Variants in SEC14L5 observed in about 807,000 individuals in gnomAD.
SEC14L5 encodes the protein SEC14 like lipid binding 5.
A neutral mutation model predicts 84.6 loss-of-function variants in SEC14L5; 96 were observed. The ratio of observed to expected loss-of-function variants is 1.13; its 90% confidence interval spans 0.96 to 1.34. The LOEUF is 1.34. SEC14L5 is among the 40% of genes most tolerant of loss of function. The pLI, the probability that SEC14L5 is intolerant of heterozygous loss-of-function variation, is 0.00. For missense variants in SEC14L5, 1,224 were observed against 942.5 expected, an observed-to-expected ratio of 1.30 and a Z score of -3.91; for synonymous variants, 546 against 383.4, an observed-to-expected ratio of 1.42 and a Z score of -4.95.
intron 2 of SEC14L5, among the ~76,000 whole-genome samples, chr16:4,962,705 A>AAAC (rs1274577953): frequency 6.6e-6 from 1 of 150,916 alleles, no homozygotes; most frequent in African/African-American, 2.5e-5. Context: ...AAAAAAAAAA[A>AAAC]AAACTTCCTT....
chr16:4,959,285 C>A lies in SEC14L5; in HGVS notation c.-39C>A, dbSNP rs748315540. On this transcript the variant is annotated 5_prime_UTR_variant, in exon 2 of 16. Coordinates refer to ENST00000251170, the MANE Select transcript of SEC14L5 (RefSeq NM_014692.2). ...CTCCTCGCCCCAGGCTCTGTGCACA[C>A]CCCTGCCTGGTGACCTCCATTGGTG... is the stretch of plus-strand genomic sequence containing the variant. 1.1e-5 allele frequency: 17 copies of A among 1,551,922 alleles called. No individual in the cohort carries two copies. The highest frequency in any genetic ancestry group is 1.4e-5 in the African/African-American group (1 of 73,676).
chr16:4,980,167 G>A (rs1384071051), intron 2 of SEC14L5, among the ~76,000 whole-genome samples: 1 of 152,214 alleles, frequency 6.6e-6, no homozygotes, highest in Admixed American at 6.5e-5. Context: ...GCATTGTAAG[G>A]ATGAAGCGAG....
At position 5,011,255 on chromosome 16, in the gene SEC14L5, T is replaced by C; in HGVS notation, c.1961T>C (p.Leu654Pro). 1 of 1,613,716 alleles carries C rather than the reference T, an allele frequency of 6.2e-7. No individual in the cohort carries two copies. Among genetic ancestry groups the C allele is most frequent in the Non-Finnish European group, 8.5e-7 (1 of 1,179,788 alleles). The change falls in exon 15 of 16, where the codon CTC becomes CCC. Residue 654 changes from leucine (L) to proline (P), a missense_variant. Coordinates refer to ENST00000251170, the MANE Select transcript of SEC14L5 (RefSeq NM_014692.2). The stretch of plus-strand genomic sequence containing the variant: ...AAACTTCTCTACTACTGTGAGGTGC[T>C]CGCCTCTGAGGACTTCAGGTAGGAG... Reference protein sequence around the residue: ...KCKLLYYCEVLASEDFRGSMS... With the variant: ...KCKLLYYCEVPASEDFRGSMS...
chr16:4,984,483 T>A (rs59534424), intron 2 of SEC14L5, among the ~76,000 whole-genome samples: 14 of 152,148 alleles, frequency 9.2e-5, no homozygotes, highest in African/African-American at 3.1e-4. Flanking sequence ...TTACGAATAA[T>A]GTTGCTATAA....
rs1488227322 is a variant in SEC14L5, at chr16:4,969,823, T to C, written c.63+10437T>C. 8.0e-5 allele frequency among the ~76,000 whole-genome samples: 12 copies of C among 150,436 alleles called. 2 individuals carry two copies. The highest frequency in any genetic ancestry group is 1.0e-4 in the Non-Finnish European group (7 of 67,352). ...CTTGTCTGGTTCTTTTTCTTTCCTT[T>C]TTTTTTTTTTTTTGAGACTGGTCTC... On this transcript the variant is annotated intron_variant, in intron 2 of 15. Coordinates refer to ENST00000251170, the MANE Select transcript of SEC14L5 (RefSeq NM_014692.2).
At position 5,005,883 on chromosome 16, in the gene SEC14L5, C is replaced by G. The variant is rs543032017; in HGVS notation, c.1303-31C>G. On this transcript the variant is annotated intron_variant, in intron 11 of 15. Coordinates refer to ENST00000251170, the MANE Select transcript of SEC14L5 (RefSeq NM_014692.2). ...CGTCTCAAAAAAAAAAAAAAAAAAA[C>G]CATCCATCTTGCCTTATGTCCTGGT... 2.8e-4 allele frequency: 334 copies of G among 1,189,416 alleles called. No individual in the cohort carries two copies. The African/African-American group carries it at 5.7e-3, about 20-fold the overall frequency. The allele number at this position is 1,189,416 out of a possible 1,614,324, so 73.7% of individuals were successfully genotyped here.
rs936777058 is a variant in SEC14L5 at position 5,013,217 on chromosome 16, G to T, written c.1980-1642G>T. On this transcript the variant is annotated intron_variant, in intron 15 of 15. Coordinates refer to ENST00000251170, the MANE Select transcript of SEC14L5 (RefSeq NM_014692.2). ...TTTACTTGGGCCATAGAGCCAAACC[G>T]TATCAGCCACCCAGCCAGGAGGTGC... is the stretch of plus-strand genomic sequence containing the variant. Among the ~76,000 whole-genome samples the T allele has an allele frequency of 3.9e-5, 6 of 152,144 alleles. No individual in the cohort carries two copies. The East Asian group carries it at 9.6e-4, about 24-fold the overall frequency.
rs755221181 is a variant in SEC14L5, at chr16:5,015,154, G to A, written c.*184G>A. On this transcript the variant is annotated 3_prime_UTR_variant, in exon 16 of 16. Coordinates refer to ENST00000251170, the MANE Select transcript of SEC14L5 (RefSeq NM_014692.2). ...GAACTGGCCTGTGGGTGGTGTCAGG[G>A]CTCTTGAAATTGCAAGGACAGAACC... The A allele has an allele frequency of 1.7e-6, 1 of 593,052 alleles. No homozygotes were observed. Among genetic ancestry groups the A allele is most frequent in the Non-Finnish European group, 3.0e-6 (1 of 334,686 alleles). 36.7% of individuals were successfully genotyped at this position (593,052 alleles called of 1,614,324 possible).
At chr16:5,002,203 C>G (rs1437414285) in intron 10 of SEC14L5, among the ~76,000 whole-genome samples, 3 of 152,202 alleles carry the variant, frequency 2.0e-5, no homozygotes, top group African/African-American at 4.8e-5. Flanking sequence ...CTAAACAGCC[C>G]TGTGAGACAC....
intron 2 of SEC14L5, among the ~76,000 whole-genome samples, chr16:4,964,959 G>T (rs767233647): frequency 1.3e-5 from 2 of 151,988 alleles, no homozygotes; most frequent in Non-Finnish European, 2.9e-5. Flanking sequence ...TCGAACTCCT[G>T]GCCCCAGGTG....
At chr16:5,010,447 T>G (rs931202018) in intron 14 of SEC14L5, among the ~76,000 whole-genome samples, 1 of 151,980 alleles carries the variant, frequency 6.6e-6, no homozygotes, top group African/African-American at 2.4e-5. Flanking sequence ...ATCCCCACAT[T>G]CTCCAGGAGG....
Position 5,007,931 on chromosome 16 carries a change from C to G in SEC14L5, c.1572+445C>G, listed in dbSNP as rs1318231689. On this transcript the variant is annotated intron_variant, in intron 13 of 15. Coordinates refer to ENST00000251170, the MANE Select transcript of SEC14L5 (RefSeq NM_014692.2). ...TCTTTTTTTTTTTTTTTTTTGAGAC[C>G]GAGTCTCACTCTGTCACCAAGGCTG... Among the ~76,000 whole-genome samples, 16 of 122,038 alleles carry G rather than the reference C, an allele frequency of 1.3e-4. No individual in the cohort carries two copies. In the South Asian group the frequency reaches 4.3e-3, roughly 33 times the overall value. The allele number at this position is 122,038 out of a possible 152,430, so 80.1% of individuals were successfully genotyped here.
chr16:4,989,959 G>T (rs535175011), intron 4 of SEC14L5, among the ~76,000 whole-genome samples: 5 of 152,116 alleles, frequency 3.3e-5, no homozygotes, highest in African/African-American at 1.2e-4. Context: ...GATCCATAAA[G>T]GAGCTCTGCC....
At chr16:5,014,795 G>A (rs1210876107) in intron 15 of SEC14L5, 64 bp from the exon 16 acceptor site, 11 of 1,280,164 alleles carry the variant, frequency 8.6e-6, no homozygotes, top group East Asian at 2.3e-5. Flanking sequence ...TTCCACTGCT[G>A]TGTGTCAGCC....
intron 11 of SEC14L5, 55 bp downstream of exon 11, chr16:5,003,628 G>T: frequency 7.6e-6 from 7 of 921,170 alleles, no homozygotes; most frequent in African/African-American, 3.3e-5. Context: ...GGATGGGAGG[G>T]GTTCCGTCTG....
At chr16:5,004,479 G>C (rs936765267) in intron 11 of SEC14L5, among the ~76,000 whole-genome samples, 9 of 152,118 alleles carry the variant, frequency 5.9e-5, no homozygotes, top group African/African-American at 1.9e-4. Context: ...GCAGAGGTGT[G>C]GGCAGGGGAA....
chr16:4,970,081 G>C (rs1955256765), intron 2 of SEC14L5, among the ~76,000 whole-genome samples: 2 of 152,154 alleles, frequency 1.3e-5, no homozygotes, highest in Non-Finnish European at 2.9e-5. Flanking sequence ...CAAAGTGTTG[G>C]GATCACAGGC....
chr16:4,990,748 A>T lies in SEC14L5; in HGVS notation c.346-19A>T. 2 of 1,596,966 alleles carry T rather than the reference A, an allele frequency of 1.3e-6. No individual in the cohort carries two copies. The highest frequency in any genetic ancestry group is 1.7e-6 in the Non-Finnish European group (2 of 1,171,624). On this transcript the variant is annotated intron_variant, in intron 4 of 15. Coordinates refer to ENST00000251170, the MANE Select transcript of SEC14L5 (RefSeq NM_014692.2). ...CCCCCGACATTGAGTCCCTGGCATG[A>T]CCCCTGCCTGGCTTTCAGGTCCACC...
At position 4,996,378 on chromosome 16, in the gene SEC14L5, G is replaced by A; in HGVS notation, c.698G>A (p.Arg233Lys). ...AAGCTGGATGCGGACTACATTGAGA[G>A]GTGCCTGGGCCACCTCACGCCCATG... ...GDKLDADYIE[R>K]CLGHLTPMQE... The change falls in exon 7 of 16, where the codon AGG becomes AAG. Residue 233 changes from arginine (R) to lysine (K), a missense_variant. Arg to Lys is a conservative substitution (Grantham distance 26). Coordinates refer to ENST00000251170, the MANE Select transcript of SEC14L5 (RefSeq NM_014692.2). The A allele has an allele frequency of 6.4e-7, 1 of 1,564,714 alleles. No individual in the cohort carries two copies. The highest frequency in any genetic ancestry group is 8.7e-7 in the Non-Finnish European group (1 of 1,155,276).
Sources: allele counts gnomAD v4.1 joint callset (sites outside exome capture counted in the v4.1 genomes callset), GRCh38; gene constraint gnomAD v4.1.1; transcripts MANE v1.5; gene names NCBI Gene and HGNC (gene_info 2026-07-23, HGNC 2026-07-21).